Variants in SKAP1 observed in about 807,000 individuals in gnomAD.
SKAP1 encodes the protein src kinase-associated phosphoprotein 1.
SKAP1 carries 44 observed loss-of-function variants against 58.5 expected under a neutral mutation model. The ratio of observed to expected loss-of-function variants is 0.75; its 90% CI spans 0.59 to 0.97. The LOEUF (loss-of-function observed/expected upper bound fraction) is 0.97. SKAP1 is among the 50% of genes least tolerant of loss of function. The probability of loss-of-function intolerance (pLI) is 0.00; values close to 1 mark genes in which losing one functional copy is unlikely to be tolerated. For synonymous variants in SKAP1, 127 were observed against 149.7 expected (o/e 0.85, Z 1.11); for missense variants, 390 against 435.2 (o/e 0.90, Z 0.92).
intron 4 of SKAP1, among the ~76,000 whole-genome samples, chr17:48,290,527 A>G (rs1262387228): frequency 2.6e-5 from 4 of 152,186 alleles, no homozygotes; most frequent in Non-Finnish European, 1.5e-5. Flanking sequence ...AATCTGTTTT[A>G]TGTTCTTGAG....
chr17:48,390,680 T>G (rs553648295), intron 2 of SKAP1, among the ~76,000 whole-genome samples: 1 of 152,346 alleles, frequency 6.6e-6, no homozygotes, highest in East Asian at 1.9e-4. Flanking sequence ...GCCTGTGTTC[T>G]AGCTCACAAT....
At chr17:48,313,131 A>G (rs1052542195) in intron 4 of SKAP1, among the ~76,000 whole-genome samples, 1 of 96,062 alleles carries the variant, frequency 1.0e-5, no homozygotes, top group Non-Finnish European at 1.9e-5. Flanking sequence ...GTTATGCACT[A>G]TTGGTGGCGG....
chr17:48,318,400 A>G (rs973019100), intron 4 of SKAP1, among the ~76,000 whole-genome samples: 13 of 152,228 alleles, frequency 8.5e-5, no homozygotes, highest in African/African-American at 2.9e-4. Context: ...AAGAGGTCCC[A>G]CTTATAATTA....
intron 9 of SKAP1, among the ~76,000 whole-genome samples, chr17:48,174,984 T>C (rs208015): frequency 0.94 from 142,717 of 152,308 alleles, 66,996 homozygotes; most frequent in African/African-American, 0.99. Context: ...AAGAGAACCA[T>C]GGGGCATCAC....
intron 4 of SKAP1, among the ~76,000 whole-genome samples, chr17:48,303,661 T>G (rs2066093534): frequency 6.6e-6 from 1 of 152,158 alleles, no homozygotes; most frequent in Admixed American, 6.5e-5. Context: ...ATGTGCAAAA[T>G]ATTAGTTTTC....
At chr17:48,338,316 A>AT (rs1178291097) in intron 4 of SKAP1, among the ~76,000 whole-genome samples, 9 of 151,576 alleles carry the variant, frequency 5.9e-5, no homozygotes, top group Non-Finnish European at 1.2e-4. Flanking sequence ...CGCCAAGCTA[A>AT]TTTTTTCATA....
At chr17:48,286,501 C>A (rs2065831678) in intron 4 of SKAP1, among the ~76,000 whole-genome samples, 1 of 152,158 alleles carries the variant, frequency 6.6e-6, no homozygotes, top group East Asian at 1.9e-4. Context: ...TATAATATTG[C>A]CATTGCAATT....
chr17:48,277,743 G>A (rs2065718069), intron 4 of SKAP1, among the ~76,000 whole-genome samples: 1 of 152,052 alleles, frequency 6.6e-6, no homozygotes, highest in African/African-American at 2.4e-5. Context: ...TAGGACTACA[G>A]TCTCATACCT....
intron 4 of SKAP1, among the ~76,000 whole-genome samples, chr17:48,264,782 A>ACCCC (rs778772289): frequency 2.0e-5 from 3 of 146,972 alleles, no homozygotes; most frequent in Admixed American, 6.8e-5. Flanking sequence ...ACACACACAC[A>ACCCC]CCCTCCATCT....
At chr17:48,207,172 G>A (rs2064820072) in intron 4 of SKAP1, among the ~76,000 whole-genome samples, 1 of 151,984 alleles carries the variant, frequency 6.6e-6, no homozygotes, top group East Asian at 1.9e-4. Flanking sequence ...GTAGAATGAA[G>A]AGAAACAATG....
intron 1 of SKAP1, among the ~76,000 whole-genome samples, chr17:48,421,517 C>G (rs1349349749): frequency 6.6e-6 from 1 of 152,016 alleles, no homozygotes; most frequent in Non-Finnish European, 1.5e-5. Flanking sequence ...CTTGGCCAGG[C>G]TGGTCTCGAA....
chr17:48,383,162 T>A (rs753135249), intron 2 of SKAP1, among the ~76,000 whole-genome samples: 1 of 152,244 alleles, frequency 6.6e-6, no homozygotes, highest in Non-Finnish European at 1.5e-5. Context: ...TTTAGTTGAT[T>A]CCATTTCTCT....
chr17:48,231,095 T>C (rs1250668310), intron 4 of SKAP1, among the ~76,000 whole-genome samples: 1 of 152,156 alleles, frequency 6.6e-6, no homozygotes, highest in African/African-American at 2.4e-5. Context: ...GTTTAAACCA[T>C]AGTATTTTCA....
chr17:48,197,182 C>T (rs1200289143), intron 4 of SKAP1, among the ~76,000 whole-genome samples: 2 of 145,750 alleles, frequency 1.4e-5, no homozygotes, highest in East Asian at 4.1e-4. Flanking sequence ...TGCTTGAACC[C>T]AGGAGGCGGA....
intron 1 of SKAP1, among the ~76,000 whole-genome samples, chr17:48,414,173 C>G (rs1198397984): frequency 2.6e-5 from 4 of 152,086 alleles, no homozygotes; most frequent in Non-Finnish European, 4.4e-5. Context: ...TAAATTGTGA[C>G]AACAAAGGAA....
chr17:48,200,438 G>A (rs62066447), intron 4 of SKAP1, among the ~76,000 whole-genome samples: 84,681 of 151,056 alleles, frequency 0.56, 24,653 homozygotes, highest in East Asian at 0.77. Flanking sequence ...GTACAATGGC[G>A]CAATCCCTGC....
intron 4 of SKAP1, among the ~76,000 whole-genome samples, chr17:48,212,822 G>T (rs1322716860): frequency 6.6e-6 from 1 of 152,084 alleles, no homozygotes; most frequent in Non-Finnish European, 1.5e-5. Context: ...GAATCGTATG[G>T]CTATTTACCT....
chr17:48,263,700 A>G (rs1367609935), intron 4 of SKAP1, among the ~76,000 whole-genome samples: 3 of 152,168 alleles, frequency 2.0e-5, no homozygotes, highest in Non-Finnish European at 4.4e-5. Flanking sequence ...AAAAGGTCCC[A>G]GGTTTCAGAG....
At chr17:48,374,900 C>A (rs1598627974) in intron 2 of SKAP1, among the ~76,000 whole-genome samples, 1 of 152,180 alleles carries the variant, frequency 6.6e-6, no homozygotes, top group East Asian at 1.9e-4. Flanking sequence ...AGGTACCAGC[C>A]TTAGAAACAA....
Sources: gnomAD v4.1 joint callset for allele counts (sites outside exome capture counted in the v4.1 genomes callset) on GRCh38, gnomAD v4.1.1 for gene constraint, MANE v1.5 for transcripts, NCBI Gene and HGNC (gene_info 2026-07-23, HGNC 2026-07-21) for gene names.